MFAP5: variants seen among roughly 807,000 people sequenced by gnomAD.
MFAP5 encodes microfibrillar-associated protein 5.
In MFAP5, 19 loss-of-function variants were observed where a neutral mutation model predicts 30.1. That is an observed-to-expected ratio of 0.63 (90% CI 0.44 to 0.93). MFAP5 has a LOEUF of 0.93. MFAP5 is among the 40% of genes least tolerant of loss of function. The pLI, the probability that MFAP5 is intolerant of heterozygous loss-of-function variation, is 0.00. For synonymous variants in MFAP5, 92 were observed against 72.9 expected (o/e 1.26, Z -1.33); for missense variants, 210 against 221.3 (o/e 0.95, Z 0.32).
intron 3 of MFAP5, among the ~76,000 whole-genome samples, chr12:8,660,074 T>G (rs753091350): frequency 6.6e-6 from 1 of 152,116 alleles, no homozygotes; most frequent in African/African-American, 2.4e-5. Context: ...ATTTTTGTTA[T>G]AGAGAATGGT....
chr12:8,662,802 C>G lies in MFAP5; in HGVS notation c.-178G>C, dbSNP rs71447527. 11,036 of 152,378 alleles carry G rather than the reference C, an allele frequency of 0.072. 482 individuals carry two copies. The highest frequency in any genetic ancestry group is 0.084 in the Non-Finnish European group (5,697 of 68,180). The allele number at this position is 152,378 out of a possible 1,614,324, so 9.4% of individuals were successfully genotyped here. A position where few individuals can be genotyped will look rare whatever the true frequency, so the allele number is the denominator to read the frequency against. On this transcript the variant is annotated 5_prime_UTR_variant, in exon 1 of 10. Coordinates refer to ENST00000359478, the MANE Select transcript of MFAP5 (RefSeq NM_003480.4). ...GATGAGGGAGAGCAAGAAAGCCAGG[C>G]TAGGCGTAGAATGTGTGTTACAATG...
intron 5 of MFAP5, among the ~76,000 whole-genome samples, chr12:8,654,940 CAAA>C (rs34739708): frequency 7.0e-5 from 8 of 114,638 alleles, no homozygotes; most frequent in Admixed American, 8.7e-5. Context: ...GACTCTGTCT[CAAA>C]AAAAAAAAAA....
At chr12:8,657,227 T>C (rs1331997738) in intron 3 of MFAP5, among the ~76,000 whole-genome samples, 1 of 151,982 alleles carries the variant, frequency 6.6e-6, no homozygotes, top group Non-Finnish European at 1.5e-5. Context: ...AGACCACTGG[T>C]TTTAGGAAGT....
chr12:8,649,417 A>C, intron 9 of MFAP5, 84 bp downstream of exon 9: 2 of 1,286,760 alleles, frequency 1.6e-6, no homozygotes, highest in South Asian at 1.2e-5. Context: ...CTCTAGTACC[A>C]GACTTTGGAT....
At chr12:8,652,851 T>C (rs546409809) in intron 6 of MFAP5, among the ~76,000 whole-genome samples, 4 of 152,232 alleles carry the variant, frequency 2.6e-5, no homozygotes, top group Non-Finnish European at 5.9e-5. Context: ...CTAGTTGTTA[T>C]ACAGTGAATG....
chr12:8,659,730 C>T (rs1308526939), intron 3 of MFAP5, among the ~76,000 whole-genome samples: 1 of 151,976 alleles, frequency 6.6e-6, no homozygotes, highest in Non-Finnish European at 1.5e-5. Context: ...GAAAAATATA[C>T]TGTACCCTGG....
chr12:8,660,963 G>A, intron 2 of MFAP5, 65 bp from the exon 3 acceptor site: 1 of 1,347,972 alleles, frequency 7.4e-7, no homozygotes, highest in Non-Finnish European at 1.0e-6. Flanking sequence ...ACCCTTTTAT[G>A]AGACAAATCA....
chr12:8,647,444 C>T lies in MFAP5; in HGVS notation c.*647G>A, dbSNP rs149733139. ...GCTGGCATAGTCCTCATGCTTTAGCCCCAGCCTCTGAGCTTAGCAGAAGAC... is the reference window on the plus strand; with the variant it reads ...GCTGGCATAGTCCTCATGCTTTAGCTCCAGCCTCTGAGCTTAGCAGAAGAC... On this transcript the variant is annotated 3_prime_UTR_variant, in exon 10 of 10. Coordinates refer to ENST00000359478, the MANE Select transcript of MFAP5 (RefSeq NM_003480.4). 6.6e-6 allele frequency: 1 copy of T among 152,250 alleles called. No individual in the cohort carries two copies. The highest frequency in any genetic ancestry group is 1.5e-5 in the Non-Finnish European group (1 of 68,026). The allele number at this position is 152,250 out of a possible 1,614,324, so 9.4% of individuals were successfully genotyped here.
rs960057921 is a variant in MFAP5 at position 8,662,807 on chromosome 12, C to G, written c.-183G>C. ...GGGAGAGCAAGAAAGCCAGGCTAGG[C>G]GTAGAATGTGTGTTACAATGAGGCT... On this transcript the variant is annotated 5_prime_UTR_variant, in exon 1 of 10. Coordinates refer to ENST00000359478, the MANE Select transcript of MFAP5 (RefSeq NM_003480.4). The G allele has an allele frequency of 1.3e-5, 2 of 152,324 alleles. No homozygotes were observed. The highest frequency in any genetic ancestry group is 4.8e-5 in the African/African-American group (2 of 41,428). 9.4% of individuals were successfully genotyped at this position (152,324 alleles called of 1,614,324 possible). A position where few individuals can be genotyped will look rare whatever the true frequency, so the allele number is the denominator to read the frequency against.
At position 8,646,549 on chromosome 12, in the gene MFAP5, C is replaced by T. The variant is rs1254264990; in HGVS notation, c.*1542G>A. On this transcript the variant is annotated 3_prime_UTR_variant, in exon 10 of 10. Transcript: ENST00000359478. ...ATGGTTGCTATGAATTAGACTGTAT[C>T]TAAGCTTCAAGAAATATGAATAATG... 1 of 151,896 alleles carries T rather than the reference C, an allele frequency of 6.6e-6. No individual in the cohort carries two copies. The highest frequency in any genetic ancestry group is 1.5e-5 in the Non-Finnish European group (1 of 68,012). 9.4% of individuals were successfully genotyped at this position (151,896 alleles called of 1,614,324 possible).
At chr12:8,655,570 G>T (rs1307167963) in intron 4 of MFAP5, 123 bp from the exon 5 acceptor site, 5 of 1,050,264 alleles carry the variant, frequency 4.8e-6, no homozygotes, top group Non-Finnish European at 7.0e-6. Context: ...CTGTGGACTC[G>T]GGCAGATGAG....
intron 6 of MFAP5, 93 bp downstream of exon 6, chr12:8,654,344 A>T: frequency 8.0e-7 from 1 of 1,254,654 alleles, no homozygotes; most frequent in African/African-American, 1.5e-5. Context: ...CTGTCTTTTT[A>T]GGATCCTTCA....
intron 3 of MFAP5, among the ~76,000 whole-genome samples, chr12:8,656,471 A>G (rs1229082936): frequency 2.1e-5 from 3 of 143,930 alleles, no homozygotes; most frequent in Non-Finnish European, 3.0e-5. Context: ...GTGAGTGGCC[A>G]GTCTCGGCTC....
Position 8,659,404 on chromosome 12 carries a change from G to C in MFAP5, c.94+1459C>G, listed in dbSNP as rs1261338196. Among the ~76,000 whole-genome samples, 3 of 151,916 alleles carry C rather than the reference G, an allele frequency of 2.0e-5. 1 individual carries two copies. Reference sequence around the variant, plus strand: ...TCATCCCACCTCAACCTCCCAAAGTGCTTGGTATTACAGGCATGAGCCACC... The same window carrying C: ...TCATCCCACCTCAACCTCCCAAAGTCCTTGGTATTACAGGCATGAGCCACC... On this transcript the variant is annotated intron_variant, in intron 3 of 9. Transcript: ENST00000359478.
At chr12:8,656,583 T>TATACACACACACACACACACACACAC (rs1555139590) in intron 3 of MFAP5, among the ~76,000 whole-genome samples, 1 of 135,656 alleles carries the variant, frequency 7.4e-6, no homozygotes, top group Non-Finnish European at 1.5e-5. Flanking sequence ...AATATATATA[T>TATACACACACACACACACACACACAC]ATATATATAC....
Position 8,647,956 on chromosome 12 carries a change from G to T in MFAP5, c.*135C>A. On this transcript the variant is annotated 3_prime_UTR_variant, in exon 10 of 10. Transcript: ENST00000359478. ...AGTTTGGGTGAAAAAGTAGAGAGTA[G>T]GGGTAAAAGCTGGACATTGCAAAAG... The T allele has an allele frequency of 1.7e-6, 1 of 578,768 alleles. No individual in the cohort carries two copies. The highest frequency in any genetic ancestry group is 3.1e-6 in the Non-Finnish European group (1 of 326,838). The allele number at this position is 578,768 out of a possible 1,614,324, so 35.9% of individuals were successfully genotyped here.
At chr12:8,656,904 G>T (rs1942018189) in intron 3 of MFAP5, among the ~76,000 whole-genome samples, 1 of 151,976 alleles carries the variant, frequency 6.6e-6, no homozygotes, top group South Asian at 2.1e-4. Context: ...CTGACCTCAG[G>T]TGATCTGCCC....
Position 8,653,147 on chromosome 12 carries a change from G to A in MFAP5, c.217+1290C>T, listed in dbSNP as rs754142457. On this transcript the variant is annotated intron_variant, in intron 6 of 9. Coordinates refer to ENST00000359478, the MANE Select transcript of MFAP5 (RefSeq NM_003480.4). ...GCGGAGGTTGCAGTGAGCCAAGATC[G>A]CGCTATTGCACTCCAGCCTGGGCAA... 9.3e-5 allele frequency among the ~76,000 whole-genome samples: 14 copies of A among 150,886 alleles called. No individual in the cohort carries two copies. The South Asian group carries it at 1.5e-3, about 16-fold the overall frequency.
intron 9 of MFAP5, chr12:8,648,587 CAGTATACATTT>C (rs1212125138): frequency 6.4e-5 from 78 of 1,220,954 alleles, no homozygotes; most frequent in Non-Finnish European, 7.9e-5. Context: ...TCCAATCATT[CAGTATACATTT>C]ACGTGCTTAC....
Sources: allele counts gnomAD v4.1 joint callset (sites outside exome capture counted in the v4.1 genomes callset), GRCh38; gene constraint gnomAD v4.1.1; transcripts MANE v1.5; gene names NCBI Gene and HGNC (gene_info 2026-07-23, HGNC 2026-07-21).